Variants in SORCS2 observed in about 807,000 individuals in gnomAD.
The protein encoded by SORCS2 is VPS10 domain-containing receptor SorCS2.
SORCS2 carries 100 observed loss-of-function variants against 141.6 expected under a neutral mutation model. The observed-to-expected ratio is 0.71, with a 90% confidence interval of 0.60 to 0.83. SORCS2 has a LOEUF of 0.83. Ranked by LOEUF, SORCS2 falls within the 40% of genes least tolerant of loss-of-function variation. The probability of loss-of-function intolerance (pLI) is 0.00; values close to 1 mark genes in which losing one functional copy is unlikely to be tolerated. For synonymous variants in SORCS2, 789 were observed against 676.9 expected, an observed-to-expected ratio of 1.17 and a Z score of -2.57; for missense variants, 1,646 against 1,560.2, an observed-to-expected ratio of 1.05 and a Z score of -0.93.
chr4:7,508,322 G>A (rs1216847241), intron 2 of SORCS2, among the ~76,000 whole-genome samples: 2 of 148,536 alleles, frequency 1.3e-5, no homozygotes, highest in Non-Finnish European at 3.0e-5. Context: ...CTGTGACAAT[G>A]GTTACCTGAG....
intron 10 of SORCS2, among the ~76,000 whole-genome samples, chr4:7,683,345 A>G (rs1282006821): frequency 2.3e-5 from 3 of 129,206 alleles, no homozygotes; most frequent in Non-Finnish European, 4.9e-5. Flanking sequence ...GGCTCCGCTG[A>G]GCGGCTCTGC....
At chr4:7,505,429 G>A (rs1340839203) in intron 2 of SORCS2, among the ~76,000 whole-genome samples, 2 of 152,124 alleles carry the variant, frequency 1.3e-5, no homozygotes, top group Non-Finnish European at 2.9e-5. Flanking sequence ...CCCCGCATCA[G>A]GAGATGGGAC....
At chr4:7,296,112 C>G (rs1717030888) in intron 1 of SORCS2, among the ~76,000 whole-genome samples, 1 of 152,222 alleles carries the variant, frequency 6.6e-6, no homozygotes, top group Non-Finnish European at 1.5e-5. Flanking sequence ...CTGGCCTCTT[C>G]CTCTTGGCTG....
chr4:7,660,225 G>T (rs919887953), intron 5 of SORCS2, among the ~76,000 whole-genome samples: 1 of 152,178 alleles, frequency 6.6e-6, no homozygotes, highest in Non-Finnish European at 1.5e-5. Context: ...TAAAGACTTC[G>T]CCCAGCAGGG....
chr4:7,444,147 T>A (rs1727847434), intron 2 of SORCS2, among the ~76,000 whole-genome samples: 1 of 152,258 alleles, frequency 6.6e-6, no homozygotes, highest in African/African-American at 2.4e-5. Flanking sequence ...TTTATTTTCA[T>A]ACGCGTATTC....
At chr4:7,338,139 T>C (rs28700095) in intron 1 of SORCS2, among the ~76,000 whole-genome samples, 75,005 of 149,306 alleles carry the variant, frequency 0.5, 18,934 homozygotes, top group East Asian at 0.57. Context: ...GGATGGATGT[T>C]GGTTGCATGG....
chr4:7,433,276 G>A, intron 2 of SORCS2: 4 of 1,349,496 alleles, frequency 3.0e-6, no homozygotes, highest in South Asian at 4.7e-5. Flanking sequence ...CCACCTCATG[G>A]GCCTCGCTAG....
intron 3 of SORCS2, among the ~76,000 whole-genome samples, chr4:7,589,043 T>A (rs1716729862): frequency 6.6e-6 from 1 of 152,148 alleles, no homozygotes; most frequent in Admixed American, 6.5e-5. Flanking sequence ...CCCAGCCTAC[T>A]GGGGACACAG....
chr4:7,400,285 G>A (rs1577502020), intron 2 of SORCS2, among the ~76,000 whole-genome samples: 1 of 152,266 alleles, frequency 6.6e-6, no homozygotes, highest in East Asian at 1.9e-4. Flanking sequence ...TGCTACGGCT[G>A]CTGCCTGGAG....
intron 11 of SORCS2, among the ~76,000 whole-genome samples, chr4:7,693,594 G>C (rs919457542): frequency 3.3e-5 from 5 of 152,194 alleles, no homozygotes; most frequent in Non-Finnish European, 7.3e-5. Flanking sequence ...ACGTCCTCAG[G>C]ATCCAACACA....
At chr4:7,307,784 A>C (rs939390976) in intron 1 of SORCS2, among the ~76,000 whole-genome samples, 33 of 150,994 alleles carry the variant, frequency 2.2e-4, no homozygotes, top group East Asian at 9.8e-4. Flanking sequence ...TTTGTGCATG[A>C]GTGTGTGTGT....
chr4:7,607,490 T>C (rs945999619), intron 3 of SORCS2, among the ~76,000 whole-genome samples: 12 of 152,150 alleles, frequency 7.9e-5, no homozygotes, highest in Admixed American at 3.9e-4. Context: ...CTGCCTGTCA[T>C]TGAGCGCTTC....
chr4:7,491,264 A>G (rs554363457), intron 2 of SORCS2, among the ~76,000 whole-genome samples: 50 of 152,254 alleles, frequency 3.3e-4, no homozygotes, highest in African/African-American at 1.2e-3. Context: ...AGCCTCCAGC[A>G]TGGGTTACTC....
At chr4:7,450,729 A>G (rs1728379564) in intron 2 of SORCS2, among the ~76,000 whole-genome samples, 1 of 152,160 alleles carries the variant, frequency 6.6e-6, no homozygotes, top group African/African-American at 2.4e-5. Flanking sequence ...GAGTGCATGA[A>G]TGAGTGACTG....
intron 3 of SORCS2, among the ~76,000 whole-genome samples, chr4:7,626,630 T>C (rs1719531299): frequency 6.6e-6 from 1 of 152,252 alleles, no homozygotes; most frequent in Non-Finnish European, 1.5e-5. Flanking sequence ...TACGAATGCA[T>C]GTATATAAAC....
intron 2 of SORCS2, among the ~76,000 whole-genome samples, chr4:7,464,701 A>G (rs983676418): frequency 1.3e-5 from 2 of 152,208 alleles, no homozygotes; most frequent in Non-Finnish European, 2.9e-5. Flanking sequence ...GACCATTTCC[A>G]TTGGGATCAA....
intron 1 of SORCS2, among the ~76,000 whole-genome samples, chr4:7,216,708 AG>A (rs1233903913): frequency 1.3e-5 from 2 of 151,990 alleles, no homozygotes; most frequent in Non-Finnish European, 2.9e-5. Context: ...TAATGACTTT[AG>A]GGCCACCAGA....
At chr4:7,657,852 G>A (rs1020287301) in intron 5 of SORCS2, among the ~76,000 whole-genome samples, 3 of 152,082 alleles carry the variant, frequency 2.0e-5, no homozygotes, top group Admixed American at 6.5e-5. Context: ...GTGAGTGAAT[G>A]AGTAAGTGAA....
At chr4:7,528,031 G>T (rs913426475) in intron 2 of SORCS2, among the ~76,000 whole-genome samples, 1 of 150,858 alleles carries the variant, frequency 6.6e-6, no homozygotes, top group East Asian at 2.0e-4. Flanking sequence ...CTCTGTCTCT[G>T]TCTCTCTCTC....
Sources: gnomAD v4.1 joint callset for allele counts (sites outside exome capture counted in the v4.1 genomes callset) on GRCh38, gnomAD v4.1.1 for gene constraint, MANE v1.5 for transcripts, NCBI Gene and HGNC (gene_info 2026-07-23, HGNC 2026-07-21) for gene names.